Variants in NTM observed in about 807,000 individuals in gnomAD.
NTM encodes the protein neurotrimin.
In NTM, 13 loss-of-function variants were observed where a neutral mutation model predicts 42.1. That is an observed-to-expected ratio of 0.31 (90% CI 0.20 to 0.49). The LOEUF is 0.49. Among genes scored for constraint, NTM ranks in the 20% least tolerant of loss-of-function variants. The pLI is 0.99. For synonymous variants in NTM, 187 were observed against 179.2 expected, an observed-to-expected ratio of 1.04 and a Z score of -0.35; for missense variants, 373 against 452.8, an observed-to-expected ratio of 0.82 and a Z score of 1.60.
intron 2 of NTM, among the ~76,000 whole-genome samples, chr11:132,114,485 T>G (rs1416698456): frequency 6.6e-6 from 1 of 152,162 alleles, no homozygotes; most frequent in Non-Finnish European, 1.5e-5. Flanking sequence ...AGTAATTATA[T>G]CAGTCTCATA....
intron 1 of NTM, among the ~76,000 whole-genome samples, chr11:131,850,051 C>T (rs979673874): frequency 4.0e-5 from 6 of 151,894 alleles, no homozygotes; most frequent in East Asian, 1.9e-4. Context: ...GTGTAGGTTG[C>T]GGTGACCATC....
intron 2 of NTM, among the ~76,000 whole-genome samples, chr11:131,946,026 A>G (rs950922632): frequency 1.3e-5 from 2 of 152,214 alleles, no homozygotes; most frequent in African/African-American, 4.8e-5. Context: ...GGTTAGTTAC[A>G]TAAGAGGAAG....
intron 4 of NTM, among the ~76,000 whole-genome samples, chr11:132,305,536 A>G (rs887162046): frequency 1.1e-4 from 17 of 152,214 alleles, no homozygotes; most frequent in African/African-American, 4.1e-4. Context: ...ATATGTACCA[A>G]GGACTACCAT....
At chr11:132,327,783 C>T (rs943399780) in intron 7 of NTM, among the ~76,000 whole-genome samples, 19 of 151,978 alleles carry the variant, frequency 1.3e-4, no homozygotes, top group Non-Finnish European at 2.5e-4. Context: ...GTCCCCCTCT[C>T]CCCTTTCCTC....
chr11:131,589,674 C>A (rs1231382424), intron 1 of NTM, among the ~76,000 whole-genome samples: 1 of 152,202 alleles, frequency 6.6e-6, no homozygotes, highest in East Asian at 1.9e-4. Flanking sequence ...CATCCCACCC[C>A]TTCCTCGTCA....
At chr11:131,398,998 G>A (rs534420427) in intron 1 of NTM, among the ~76,000 whole-genome samples, 23 of 152,260 alleles carry the variant, frequency 1.5e-4, no homozygotes, top group Non-Finnish European at 2.2e-4. Flanking sequence ...TGTAAACAAC[G>A]TGTATGCAAT....
chr11:132,200,624 A>G (rs1286490942), intron 3 of NTM, among the ~76,000 whole-genome samples: 1 of 152,218 alleles, frequency 6.6e-6, no homozygotes, highest in Non-Finnish European at 1.5e-5. Flanking sequence ...AGTGCCGATG[A>G]CGCCATGAAG....
intron 2 of NTM, among the ~76,000 whole-genome samples, chr11:132,106,895 T>A (rs910572073): frequency 6.6e-6 from 1 of 152,168 alleles, no homozygotes; most frequent in Non-Finnish European, 1.5e-5. Context: ...TAGCCATAGA[T>A]AGTCACAACT....
At chr11:132,034,966 C>A (rs927035712) in intron 2 of NTM, among the ~76,000 whole-genome samples, 1 of 152,172 alleles carries the variant, frequency 6.6e-6, no homozygotes, top group Non-Finnish European at 1.5e-5. Context: ...GGTCTCCTAG[C>A]ATCTTGATTA....
chr11:131,388,019 C>G (rs1050906024), intron 1 of NTM, among the ~76,000 whole-genome samples: 1 of 152,132 alleles, frequency 6.6e-6, no homozygotes, highest in South Asian at 2.1e-4. Flanking sequence ...TCAAGAAGCC[C>G]TTCAGGATAT....
chr11:132,082,429 C>T (rs1401972152), intron 2 of NTM, among the ~76,000 whole-genome samples: 1 of 152,156 alleles, frequency 6.6e-6, no homozygotes, highest in Admixed American at 6.5e-5. Flanking sequence ...CACTCCATTC[C>T]CCCGGTATGC....
intron 1 of NTM, among the ~76,000 whole-genome samples, chr11:131,405,573 G>A (rs948612360): frequency 1.3e-5 from 2 of 152,074 alleles, no homozygotes; most frequent in Admixed American, 6.5e-5. Context: ...TTCATGAAAG[G>A]CACCTTGCCT....
intron 2 of NTM, among the ~76,000 whole-genome samples, chr11:132,102,753 T>C (rs912308459): frequency 6.6e-6 from 1 of 152,170 alleles, no homozygotes; most frequent in Admixed American, 6.5e-5. Context: ...GGATGCTTCC[T>C]GAGGGGAGAG....
intron 1 of NTM, among the ~76,000 whole-genome samples, chr11:131,673,336 T>C (rs2070753636): frequency 6.6e-6 from 1 of 152,100 alleles, no homozygotes; most frequent in Non-Finnish European, 1.5e-5. Flanking sequence ...ATGCCTACCT[T>C]AGAGGACAAA....
chr11:132,285,648 G>A (rs2094201189), intron 4 of NTM, among the ~76,000 whole-genome samples: 2 of 152,104 alleles, frequency 1.3e-5, no homozygotes, highest in Admixed American at 1.3e-4. Context: ...GGTTCCCCAG[G>A]CATCAAATTG....
At chr11:131,866,097 ACACACACACATGCTG>A (rs2047174509) in intron 1 of NTM, among the ~76,000 whole-genome samples, 1 of 151,608 alleles carries the variant, frequency 6.6e-6, no homozygotes, top group Non-Finnish European at 1.5e-5. Context: ...CTACATGCAC[ACACACACACATGCTG>A]CACACACATG....
intron 1 of NTM, among the ~76,000 whole-genome samples, chr11:131,611,647 A>G (rs986531608): frequency 5.3e-5 from 8 of 152,226 alleles, no homozygotes; most frequent in Non-Finnish European, 1.2e-4. Flanking sequence ...AATAGCAAGG[A>G]ACTGCAGCTA....
At chr11:131,945,735 C>T (rs1237129038) in intron 2 of NTM, among the ~76,000 whole-genome samples, 5 of 152,170 alleles carry the variant, frequency 3.3e-5, no homozygotes, top group African/African-American at 4.8e-5. Flanking sequence ...AGTGACCTCT[C>T]GCTGACATTC....
intron 3 of NTM, among the ~76,000 whole-genome samples, chr11:132,167,727 A>G (rs1008328657): frequency 3.9e-5 from 6 of 152,326 alleles, no homozygotes; most frequent in Middle Eastern, 3.4e-3. Flanking sequence ...CATAGTTCCA[A>G]TGACAGGAAA....
Sources: gnomAD v4.1 joint callset for allele counts (sites outside exome capture counted in the v4.1 genomes callset) on GRCh38, gnomAD v4.1.1 for gene constraint, MANE v1.5 for transcripts, NCBI Gene and HGNC (gene_info 2026-07-23, HGNC 2026-07-21) for gene names.